PCDH1: variants seen among roughly 807,000 people sequenced by gnomAD.
PCDH1 encodes the protein protocadherin-1.
A neutral mutation model predicts 74.6 loss-of-function variants in PCDH1; 23 were observed. The ratio of observed to expected loss-of-function variants is 0.31; its 90% CI spans 0.22 to 0.44. The LOEUF (loss-of-function observed/expected upper bound fraction) is 0.44, where lower values mean the gene tolerates loss of function less well. Among genes scored for constraint, PCDH1 ranks in the 20% least tolerant of loss-of-function variants. The pLI, the probability that PCDH1 is intolerant of heterozygous loss-of-function variation, is 1.00. For synonymous variants in PCDH1, 647 were observed against 686.1 expected (o/e 0.94, Z 0.89); for missense variants, 1,214 against 1,641.4 (o/e 0.74, Z 4.50).
rs552631040 is a variant in PCDH1 at position 141,857,343 on chromosome 5, C to T, written c.3228G>A (p.Gly1076=). The T allele has an allele frequency of 2.8e-5, 45 of 1,613,810 alleles. No individual in the cohort carries two copies. The highest frequency in any genetic ancestry group is 3.6e-5 in the Non-Finnish European group (43 of 1,179,940). ...SETPSSKSSS[G]PRLGPLALPE... ...GCAGGGCCAGGGGACCGAGTCGAGG[C>T]CCTGAGGATGACTTGCTGGACGGCG... Residue 1076 remains glycine (G), a synonymous_variant, in exon 4 of 5, where the codon GGG becomes GGA. Coordinates refer to ENST00000287008, the MANE Select transcript of PCDH1 (RefSeq NM_032420.5).
chr5:141,867,605 C>T (rs927312857), intron 2 of PCDH1: 2 of 449,996 alleles, frequency 4.4e-6, no homozygotes, highest in African/African-American at 4.1e-5. Flanking sequence ...AGGTCCCAGT[C>T]CACCAGGCTC....
At chr5:141,860,955 A>C (rs1236122257) in intron 3 of PCDH1, among the ~76,000 whole-genome samples, 1 of 152,040 alleles carries the variant, frequency 6.6e-6, no homozygotes, top group African/African-American at 2.4e-5. Flanking sequence ...GTCTCTACTA[A>C]AAATACAAAA....
intron 3 of PCDH1, among the ~76,000 whole-genome samples, chr5:141,858,555 C>T (rs536785819): frequency 1.3e-5 from 2 of 152,308 alleles, no homozygotes; most frequent in South Asian, 2.1e-4. Context: ...TGCTCCCAGC[C>T]AGCAGCCCTG....
rs1184073258 is a variant in PCDH1, at chr5:141,865,613, A to G, written c.904-186T>C. Among the ~76,000 whole-genome samples the G allele has an allele frequency of 6.6e-6, 1 of 152,220 alleles. No individual in the cohort carries two copies. The highest frequency in any genetic ancestry group is 1.5e-5 in the Non-Finnish European group (1 of 68,046). ...TCCCAATTCGGACATTCTGGCAGGC[A>G]TTACTAACCTATTTTCCTGAAGAGC... On this transcript the variant is annotated intron_variant, in intron 2 of 4. Coordinates refer to ENST00000287008, the MANE Select transcript of PCDH1 (RefSeq NM_032420.5). This position sits in a 1 kb window ranked among gnomAD's most constrained non-coding sequence, Gnocchi z 4.4.
Position 141,869,544 on chromosome 5 carries a change from C to T in PCDH1, c.41-113G>A. ...TCTCCCACTGACACACGATTCTCCA[C>T]AAGAGCAGTCAGTCCCAGCACAGAA... On this transcript the variant is annotated intron_variant, in intron 1 of 4. Coordinates refer to ENST00000287008, the MANE Select transcript of PCDH1 (RefSeq NM_032420.5). This position sits in a 1 kb window ranked among gnomAD's most constrained non-coding sequence, Gnocchi z 4.9. 1 of 1,539,808 alleles carries T rather than the reference C, an allele frequency of 6.5e-7. No homozygotes were observed. Among genetic ancestry groups the T allele is most frequent in the Non-Finnish European group, 8.7e-7 (1 of 1,148,772 alleles).
At chr5:141,866,686 G>A (rs931021788) in intron 2 of PCDH1, among the ~76,000 whole-genome samples, 2 of 152,186 alleles carry the variant, frequency 1.3e-5, no homozygotes, top group African/African-American at 4.8e-5. Flanking sequence ...GTCTATGAAT[G>A]TGTGAAATGG....
chr5:141,863,843 G>A lies in PCDH1; in HGVS notation c.2488C>T (p.Leu830=), dbSNP rs1333509577. The change falls in exon 3 of 5, where the codon CTG becomes TTG. Residue 830 remains leucine (L), a synonymous_variant. Coordinates refer to ENST00000287008, the MANE Select transcript of PCDH1 (RefSeq NM_032420.5). This position sits in a 1 kb window ranked among gnomAD's most constrained non-coding sequence, Gnocchi z 7.5. ...TLLETLLGHS[L]DTPLDIDIAG... is the part of the protein sequence containing the mutation. ...ATGTCAATATCCAGCGGCGTGTCCA[G>A]GCTGTGGCCCAGGAGGGTCTCCAGC... The A allele has an allele frequency of 1.6e-5, 26 of 1,614,202 alleles. No individual in the cohort carries two copies. The highest frequency in any genetic ancestry group is 6.7e-5 in the Admixed American group (4 of 60,036).
chr5:141,864,752 C>T lies in PCDH1; in HGVS notation c.1579G>A (p.Glu527Lys). The T allele has an allele frequency of 6.2e-7, 1 of 1,614,190 alleles. No individual in the cohort carries two copies. Among genetic ancestry groups the T allele is most frequent in the Non-Finnish European group, 8.5e-7 (1 of 1,180,048 alleles). ...GAGTCAGCATCACTGGCAGTGATCTCAGCAATCACTTCACCAGGCTTGTTG... is the reference window on the plus strand; with the variant it reads ...GAGTCAGCATCACTGGCAGTGATCTTAGCAATCACTTCACCAGGCTTGTTG... ...ENNKPGEVIA[E>K]ITASDADSGS... The change falls in exon 3 of 5, where the codon GAG becomes AAG. Residue 527 changes from glutamate (E) to lysine (K), a missense_variant. By Grantham distance (56) the Glu-to-Lys change is moderately conservative. Transcript: ENST00000287008. The surrounding 1 kb of genome is among the most constrained non-coding windows in gnomAD (Gnocchi z 5.9).
Position 141,864,641 on chromosome 5 carries a change from T to C in PCDH1, c.1690A>G (p.Ile564Val). 6.2e-7 allele frequency: 1 copy of C among 1,613,718 alleles called. No homozygotes were observed. Among genetic ancestry groups the C allele is most frequent in the Non-Finnish European group, 8.5e-7 (1 of 1,180,014 alleles). ...CGATCCAGAGATGTCTTCACCTGGA[T>C]CTCTCCAGTCTCGGGTGAGATGGTG... is the stretch of plus-strand genomic sequence containing the variant. ...LFTISPETGE[I>V]QVKTSLDREQ... The change falls in exon 3 of 5, where the codon ATC becomes GTC. Residue 564 changes from isoleucine (I) to valine (V), a missense_variant. Around this residue, in one of 4 missense-constraint regions of PCDH1, gnomAD observed 836 missense variants for 1,182.2 expected, o/e 0.71. Transcript: ENST00000287008. This position sits in a 1 kb window ranked among gnomAD's most constrained non-coding sequence, Gnocchi z 5.9.
intron 4 of PCDH1, 136 bp downstream of exon 4, chr5:141,857,116 C>T: frequency 4.4e-6 from 3 of 689,566 alleles, no homozygotes; most frequent in Non-Finnish European, 6.9e-6. Flanking sequence ...TGCGTGTATA[C>T]CTGAAAGCCC....
Position 141,854,506 on chromosome 5 carries a change from C to T in PCDH1, c.3320-70G>A, listed in dbSNP as rs74378411. ...CTGCAAAGCTCTGCTTCATGGCCTC[C>T]CACTGGCATCTACACCCCACCTCAG... On this transcript the variant is annotated intron_variant, in intron 4 of 4. Transcript: ENST00000287008. 6.2e-4 allele frequency: 930 copies of T among 1,490,998 alleles called. 13 individuals carry two copies. In the East Asian group the frequency reaches 0.021, roughly 33 times the overall value. The allele number at this position is 1,490,998 out of a possible 1,614,324, so 92.4% of individuals were successfully genotyped here. A position where few individuals can be genotyped will look rare whatever the true frequency, so the allele number is the denominator to read the frequency against.
At chr5:141,871,198 CT>C (rs1325579312) in intron 1 of PCDH1, among the ~76,000 whole-genome samples, 1 of 152,256 alleles carries the variant, frequency 6.6e-6, no homozygotes, top group Admixed American at 6.5e-5. Flanking sequence ...CCCCTGCCCC[CT>C]AACAATGCAC....
rs75207818 is a variant in PCDH1, at chr5:141,854,406, G to A, written c.3350C>T (p.Thr1117Ile). Residue 1117 changes from threonine to isoleucine, a missense_variant, in exon 5 of 5, where the codon ACA becomes ATA. Thr to Ile is a moderately conservative substitution (Grantham distance 89, BLOSUM62 -1). Transcript: ENST00000287008. The stretch of plus-strand genomic sequence containing the variant: ...ACTGCACTCCCGGGTACATGTGCCT[G>A]TCATGGCGACATCAGGCAAAGGGCG... ...DLRPLPDVAM[T>I]GTCTRECSEF... 3.1e-3 allele frequency: 5,052 copies of A among 1,612,162 alleles called. 17 individuals carry two copies. Among genetic ancestry groups the A allele is most frequent in the Non-Finnish European group, 4.0e-3 (4,682 of 1,179,210 alleles).
chr5:141,856,223 C>T (rs1752330154), intron 4 of PCDH1: 1 of 1,535,736 alleles, frequency 6.5e-7, no homozygotes, highest in Non-Finnish European at 8.7e-7. Context: ...TTCCCACATA[C>T]CTGGCACTCT....
chr5:141,856,434 G>A (rs868024631), intron 4 of PCDH1, among the ~76,000 whole-genome samples: 2 of 152,174 alleles, frequency 1.3e-5, no homozygotes, highest in Non-Finnish European at 2.9e-5. Context: ...CTTTTGTGGA[G>A]CGAGGAGGCT....
intron 1 of PCDH1, among the ~76,000 whole-genome samples, chr5:141,876,743 G>A (rs1302859113): frequency 6.6e-6 from 1 of 152,248 alleles, no homozygotes; most frequent in Non-Finnish European, 1.5e-5. Context: ...CCAGGCGGAG[G>A]GGGCGCTCAG....
At position 141,856,371 on chromosome 5, in the gene PCDH1, C is replaced by T. The variant is rs73792367; in HGVS notation, c.3319+881G>A. 76 of 52,788 alleles carry T rather than the reference C, an allele frequency of 1.4e-3. 1 individual carries two copies. Among genetic ancestry groups the T allele is most frequent in the African/African-American group, 0.011 (66 of 5,982 alleles). The allele number at this position is 52,788 out of a possible 1,614,324, so 3.3% of individuals were successfully genotyped here. A position where few individuals can be genotyped will look rare whatever the true frequency, so the allele number is the denominator to read the frequency against. ...GGGCCTGGGAGGTTAGACAAGGGCC[C>T]GGGAGGTTAGACAAGGGCCCTGTGC... On this transcript the variant is annotated intron_variant, in intron 4 of 4. Coordinates refer to ENST00000287008, the MANE Select transcript of PCDH1 (RefSeq NM_032420.5).
At chr5:141,876,355 C>A (rs1475683779) in intron 1 of PCDH1, among the ~76,000 whole-genome samples, 1 of 152,126 alleles carries the variant, frequency 6.6e-6, no homozygotes, top group Non-Finnish European at 1.5e-5. Context: ...TAGGGTCCCC[C>A]GCAAGCCGGA....
In PCDH1 at chr5:141,854,082, G is replaced by C; in HGVS notation, c.3674C>G (p.Pro1225Arg). 1 of 1,540,766 alleles carries C rather than the reference G, an allele frequency of 6.5e-7. No individual in the cohort carries two copies. The highest frequency in any genetic ancestry group is 1.2e-5 in the South Asian group (1 of 80,080). ...QTSDFPPAAT[P>R]ASAQTAKREI... ...GCGCTTGGCCGTCTGGGCAGATGCCGGTGTGGCTGCGGGTGGGAAGTCCGA... is the reference window on the plus strand; with the variant it reads ...GCGCTTGGCCGTCTGGGCAGATGCCCGTGTGGCTGCGGGTGGGAAGTCCGA... The change falls in exon 5 of 5, where the codon CCG (proline) becomes CGG (arginine). Residue 1225 changes from proline (P) to arginine (R), a missense_variant. Pro to Arg is a moderately radical substitution (Grantham distance 103, BLOSUM62 -2). This residue lies in a region of PCDH1 where 194 missense variants were observed against 198.3 expected (regional missense o/e 0.98). Coordinates refer to ENST00000287008, the MANE Select transcript of PCDH1 (RefSeq NM_032420.5).
Sources: allele counts gnomAD v4.1 joint callset (sites outside exome capture counted in the v4.1 genomes callset), GRCh38; gene constraint gnomAD v4.1.1; regional missense constraint gnomAD v4.1.1; non-coding constraint Gnocchi (gnomAD v3.1); transcripts MANE v1.5; gene names NCBI Gene and HGNC (gene_info 2026-07-23, HGNC 2026-07-21).